Variants in TENM2 observed in about 807,000 individuals in gnomAD.
TENM2 encodes teneurin transmembrane protein 2, also known as teneurin-2.
Under a neutral mutation model 245.2 loss-of-function variants are expected in TENM2, and 52 were observed. The observed-to-expected ratio is 0.21, with a 90% CI of 0.17 to 0.27. The LOEUF is 0.27. Among genes scored for constraint, TENM2 ranks in the 10% least tolerant of loss-of-function variants. TENM2 has a pLI of 1.00. For missense variants in TENM2, 3,046 were observed against 3,666.8 expected (o/e 0.83, Z 4.37); for synonymous variants, 1,363 against 1,438.9 (o/e 0.95, Z 1.19).
intron 2 of TENM2, among the ~76,000 whole-genome samples, chr5:167,652,883 A>G (rs185782761): frequency 1.4e-3 from 218 of 152,294 alleles, no homozygotes; most frequent in Middle Eastern, 0.014. Flanking sequence ...TCTGGAGTAC[A>G]ACTCTGATCA....
At chr5:167,869,075 A>G (rs141767379) in intron 2 of TENM2, among the ~76,000 whole-genome samples, 59 of 152,338 alleles carry the variant, frequency 3.9e-4, no homozygotes, top group African/African-American at 1.4e-3. Context: ...GGAAGGGCTC[A>G]GTCTGCTGGA....
intron 2 of TENM2, among the ~76,000 whole-genome samples, chr5:167,657,663 T>C (rs1230754908): frequency 1.3e-5 from 2 of 152,192 alleles, no homozygotes; most frequent in Non-Finnish European, 2.9e-5. Context: ...ATTTTAGCCT[T>C]TGCTAACTGT....
intron 2 of TENM2, among the ~76,000 whole-genome samples, chr5:167,458,638 T>A (rs1417034106): frequency 6.6e-6 from 1 of 152,162 alleles, no homozygotes; most frequent in African/African-American, 2.4e-5. Context: ...TCAACAGAAT[T>A]TTATTAGTAG....
chr5:167,107,511 A>G, the TENM2 span, among the ~76,000 whole-genome samples: 2 of 152,236 alleles, frequency 1.3e-5, no homozygotes, highest in Admixed American at 1.3e-4. Flanking sequence ...GATTGGTATG[A>G]TATATAGATA....
At chr5:167,438,637 T>G (rs1401540108) in intron 2 of TENM2, among the ~76,000 whole-genome samples, 2 of 152,126 alleles carry the variant, frequency 1.3e-5, no homozygotes, top group Non-Finnish European at 2.9e-5. Context: ...GACCTCGTGA[T>G]TCGTCCGCCT....
chr5:168,162,870 T>C lies in TENM2; in HGVS notation c.2569+113T>C, dbSNP rs1349595353. 2 of 1,302,932 alleles carry C rather than the reference T, an allele frequency of 1.5e-6. 1 individual carries two copies. The highest frequency in any genetic ancestry group is 2.8e-5 in the South Asian group (2 of 72,020). The allele number at this position is 1,302,932 out of a possible 1,614,324, so 80.7% of individuals were successfully genotyped here. ...CCCCTGCACTATTGTCAAATGTTGT[T>C]GTAACATTTTCTTTGAAGCAAATGC... On this transcript the variant is annotated intron_variant, in intron 13 of 28. Transcript: ENST00000518659.
intron 27 of TENM2, among the ~76,000 whole-genome samples, chr5:168,253,574 C>CA (rs1257806923): frequency 6.6e-6 from 1 of 151,652 alleles, no homozygotes; most frequent in Admixed American, 6.6e-5. Flanking sequence ...TACAGGCGCC[C>CA]GCCACCACGC....
At chr5:167,889,187 A>G (rs1052050060) in intron 3 of TENM2, among the ~76,000 whole-genome samples, 1 of 152,102 alleles carries the variant, frequency 6.6e-6, no homozygotes, top group African/African-American at 2.4e-5. Context: ...ATAGAAAATG[A>G]CCCCCAAATT....
intron 2 of TENM2, among the ~76,000 whole-genome samples, chr5:167,633,179 G>T (rs1261641422): frequency 6.6e-6 from 1 of 152,158 alleles, no homozygotes; most frequent in African/African-American, 2.4e-5. Context: ...CCAGGAGTTG[G>T]TAGTAAATAC....
chr5:168,200,210 G>A, intron 17 of TENM2, 79 bp downstream of exon 19: 1 of 1,342,812 alleles, frequency 7.4e-7, no homozygotes, highest in Non-Finnish European at 1.0e-6. Flanking sequence ...TGAGTTCCGA[G>A]GATATGCCAA....
intron 25 of TENM2, among the ~76,000 whole-genome samples, chr5:168,231,679 C>CATT (rs755194789): frequency 5.9e-5 from 9 of 151,440 alleles, no homozygotes; most frequent in Non-Finnish European, 1.2e-4. Context: ...GTGGGAGGAT[C>CATT]ATTTTCGCCT....
At chr5:167,140,854 C>A in the TENM2 span, among the ~76,000 whole-genome samples, 1 of 152,088 alleles carries the variant, frequency 6.6e-6, no homozygotes, top group Non-Finnish European at 1.5e-5. Context: ...ATCAACTAGG[C>A]TTAATAAAGA....
chr5:168,222,589 G>A (rs1763762370), intron 23 of TENM2, among the ~76,000 whole-genome samples: 1 of 152,164 alleles, frequency 6.6e-6, no homozygotes, highest in African/African-American at 2.4e-5. Context: ...GAAGAGCTGG[G>A]CAGAAATAGA....
chr5:167,064,186 G>T, the TENM2 span, among the ~76,000 whole-genome samples: 1 of 152,198 alleles, frequency 6.6e-6, no homozygotes, highest in Non-Finnish European at 1.5e-5. Context: ...CTGGGGGAGG[G>T]TTGGACTGGT....
At chr5:167,837,103 T>A (rs75557791) in intron 2 of TENM2, among the ~76,000 whole-genome samples, 1 of 151,440 alleles carries the variant, frequency 6.6e-6, no homozygotes, top group Non-Finnish European at 1.5e-5. Context: ...CACACAGAGA[T>A]ATATCTGGAT....
chr5:167,995,995 C>T (rs570304172), intron 5 of TENM2, among the ~76,000 whole-genome samples: 7 of 152,226 alleles, frequency 4.6e-5, no homozygotes, highest in East Asian at 1.9e-4. Flanking sequence ...TCCACTAGAA[C>T]ATGACAGGTC....
chr5:167,724,513 CT>C (rs1353266837), intron 2 of TENM2, among the ~76,000 whole-genome samples: 4 of 152,088 alleles, frequency 2.6e-5, no homozygotes, highest in African/African-American at 9.6e-5. Context: ...AACTTTCATT[CT>C]ATTGGGTGGA....
chr5:167,979,627 T>C (rs1782686277), intron 4 of TENM2, among the ~76,000 whole-genome samples: 1 of 152,142 alleles, frequency 6.6e-6, no homozygotes, highest in Non-Finnish European at 1.5e-5. Flanking sequence ...AAATGCATTA[T>C]CCCACGATTT....
At chr5:167,447,551 C>T (rs553346952) in intron 2 of TENM2, among the ~76,000 whole-genome samples, 16 of 152,260 alleles carry the variant, frequency 1.1e-4, no homozygotes, top group South Asian at 2.1e-4. Context: ...GGATCTCTTA[C>T]GTGAGGCTCA....
Sources: gnomAD v4.1 joint callset for allele counts (sites outside exome capture counted in the v4.1 genomes callset) on GRCh38, gnomAD v4.1.1 for gene constraint, MANE v1.5 for transcripts, NCBI Gene and HGNC (gene_info 2026-07-23, HGNC 2026-07-21) for gene names.